STAP1: variants seen among roughly 807,000 people sequenced by gnomAD.
The protein encoded by STAP1 is signal transducing adaptor family member 1.
Under a neutral mutation model 37.8 loss-of-function variants are expected in STAP1, and 30 were observed. That is an observed-to-expected ratio of 0.79 (90% CI 0.59 to 1.08). The LOEUF is 1.08. Among genes scored for constraint, STAP1 ranks in the 50% least tolerant of loss-of-function variants. STAP1 has a pLI of 0.00. For synonymous variants in STAP1, 130 were observed against 116.0 expected (o/e 1.12, Z -0.78); for missense variants, 357 against 349.4 (o/e 1.02, Z -0.17).
intron 7 of STAP1, 53 bp downstream of exon 7, chr4:67,591,006 C>A (rs1380863321): frequency 1.6e-5 from 22 of 1,409,450 alleles, no homozygotes; most frequent in Middle Eastern, 1.8e-4. Context: ...TTCCTTATAG[C>A]CTCCTAGTGC....
Position 67,577,229 on chromosome 4 carries a change from A to G in STAP1, c.333A>G (p.Glu111=), listed in dbSNP as rs1436043721. ...LKTENTESGE[E]WRGFILTVTE... ...CAGAGAACACAGAAAGTGGGGAAGA[A>G]TGGAGAGGCTTCATTCTTACAGTAA... is the stretch of plus-strand genomic sequence containing the variant. Residue 111 remains glutamate (E), a synonymous_variant, in exon 4 of 9, where the codon GAA becomes GAG. Transcript: ENST00000265404. 4 of 1,610,348 alleles carry G rather than the reference A, an allele frequency of 2.5e-6. No individual in the cohort carries two copies. In the South Asian group the frequency reaches 4.4e-5, roughly 18 times the overall value.
intron 7 of STAP1, among the ~76,000 whole-genome samples, chr4:67,592,694 A>G (rs1339658362): frequency 6.6e-6 from 1 of 151,794 alleles, no homozygotes; most frequent in East Asian, 1.9e-4. Flanking sequence ...TGCTCCCCTC[A>G]TTTTTTAAGG....
At chr4:67,566,168 G>A (rs1166248322) in intron 1 of STAP1, among the ~76,000 whole-genome samples, 1 of 151,806 alleles carries the variant, frequency 6.6e-6, no homozygotes, top group Non-Finnish European at 1.5e-5. Context: ...GACTGGCCTC[G>A]AACTCCTGAC....
intron 6 of STAP1, among the ~76,000 whole-genome samples, chr4:67,589,891 A>G (rs1005605206): frequency 1.3e-5 from 2 of 151,966 alleles, no homozygotes; most frequent in Non-Finnish European, 2.9e-5. Context: ...TGCAGCCTCA[A>G]TCTCCTGGAT....
At chr4:67,576,365 GT>G (rs934395719) in intron 3 of STAP1, among the ~76,000 whole-genome samples, 209 of 150,592 alleles carry the variant, frequency 1.4e-3, no homozygotes, top group African/African-American at 4.7e-3. Flanking sequence ...TGAGAACAAG[GT>G]TTTTTTTTCG....
At chr4:67,585,713 G>T (rs1419254840) in intron 6 of STAP1, among the ~76,000 whole-genome samples, 1 of 152,152 alleles carries the variant, frequency 6.6e-6, no homozygotes, top group African/African-American at 2.4e-5. Flanking sequence ...CTAATTTGAT[G>T]TATAATTTAA....
intron 6 of STAP1, 45 bp from the exon 7 acceptor site, chr4:67,590,839 C>G: frequency 1.4e-6 from 2 of 1,385,590 alleles, no homozygotes; most frequent in African/African-American, 2.9e-5. Context: ...TTGCATTTAC[C>G]CAATTGTATA....
chr4:67,597,144 A>G (rs964482911), intron 8 of STAP1, among the ~76,000 whole-genome samples: 1 of 152,216 alleles, frequency 6.6e-6, no homozygotes, highest in Non-Finnish European at 1.5e-5. Flanking sequence ...GCCTCAAGAC[A>G]TGGTGCCCTC....
At chr4:67,562,924 A>C (rs1727383878) in intron 1 of STAP1, among the ~76,000 whole-genome samples, 2 of 152,140 alleles carry the variant, frequency 1.3e-5, no homozygotes, top group African/African-American at 4.8e-5. Context: ...TTCTCTCCCA[A>C]TGGATCATCT....
At chr4:67,575,547 C>T in intron 3 of STAP1, 49 bp downstream of exon 3, 1 of 1,282,264 alleles carries the variant, frequency 7.8e-7, no homozygotes, top group Non-Finnish European at 1.1e-6. Context: ...TTATAAATAA[C>T]ATTCTTCACA....
intron 1 of STAP1, 57 bp from the exon 2 acceptor site, chr4:67,571,027 T>C (rs1305731429): frequency 7.3e-7 from 1 of 1,362,288 alleles, no homozygotes; most frequent in African/African-American, 1.4e-5. Context: ...ATAATATTAT[T>C]AGAAAAATAG....
Position 67,581,323 on chromosome 4 carries a change from G to A in STAP1, c.382G>A (p.Val128Met), listed in dbSNP as rs528021678. The A allele has an allele frequency of 5.0e-6, 8 of 1,612,334 alleles. No homozygotes were observed. In the South Asian group the frequency reaches 5.5e-5, roughly 11 times the overall value. Residue 128 changes from valine (V) to methionine (M), a missense_variant, in exon 5 of 9, where the codon GTG becomes ATG. By Grantham distance (21) the Val-to-Met change is conservative. Transcript: ENST00000265404. ...TVTELSVPQN[V>M]SLLPGQVIKL... ...GTTTCAGCTGTCAGTTCCCCAAAAC[G>A]TGTCACTCCTACCTGGGCAAGTAAT...
At position 67,583,716 on chromosome 4, in the gene STAP1, T is replaced by G; in HGVS notation, c.659+14T>G. Reference sequence around the variant, plus strand: ...GCAGGAGATAGAGTATGTTTATTTTTTTTAAATGTATGGAATTTTTAAAAG... The same window carrying G: ...GCAGGAGATAGAGTATGTTTATTTTGTTTAAATGTATGGAATTTTTAAAAG... On this transcript the variant is annotated intron_variant, in intron 6 of 8. Coordinates refer to ENST00000265404, the MANE Select transcript of STAP1 (RefSeq NM_012108.4). 3 of 1,605,838 alleles carry G rather than the reference T, an allele frequency of 1.9e-6. No individual in the cohort carries two copies. Among genetic ancestry groups the G allele is most frequent in the Admixed American group, 1.7e-5 (1 of 57,864 alleles).
Position 67,595,336 on chromosome 4 carries a change from G to T in STAP1, c.826+1980G>T, listed in dbSNP as rs771288841. Among the ~76,000 whole-genome samples, 5 of 131,310 alleles carry T rather than the reference G, an allele frequency of 3.8e-5. No individual in the cohort carries two copies. The South Asian group carries it at 1.2e-3, about 32-fold the overall frequency. 86.1% of individuals were successfully genotyped at this position (131,310 alleles called of 152,430 possible). ...GGACAAGGCAGGAGGATCACTTTGA[G>T]AGCATCCTGGGCAACATAGGGAGAC... On this transcript the variant is annotated intron_variant, in intron 8 of 8. Transcript: ENST00000265404.
chr4:67,599,276 A>T (rs1179103739), intron 8 of STAP1, among the ~76,000 whole-genome samples: 5 of 152,214 alleles, frequency 3.3e-5, no homozygotes, highest in African/African-American at 1.2e-4. Flanking sequence ...TCATCTTAGT[A>T]GGATTGGTAT....
intron 8 of STAP1, among the ~76,000 whole-genome samples, chr4:67,598,354 A>C (rs747187590): frequency 2.0e-5 from 3 of 152,110 alleles, no homozygotes; most frequent in Admixed American, 6.5e-5. Context: ...AGGAGCCTTC[A>C]TCCTGTTCTC....
intron 6 of STAP1, among the ~76,000 whole-genome samples, chr4:67,587,190 G>A (rs368867633): frequency 2.0e-4 from 31 of 152,210 alleles, no homozygotes; most frequent in African/African-American, 5.5e-4. Flanking sequence ...TAGAAACCTC[G>A]GCTATTGGGA....
chr4:67,596,833 C>A (rs1357056806), intron 8 of STAP1, among the ~76,000 whole-genome samples: 1 of 152,004 alleles, frequency 6.6e-6, no homozygotes, highest in African/African-American at 2.4e-5. Context: ...TATGCATTCA[C>A]AAAGAGATGG....
intron 8 of STAP1, among the ~76,000 whole-genome samples, chr4:67,596,520 A>T (rs780595784): frequency 6.6e-6 from 1 of 152,204 alleles, no homozygotes; most frequent in African/African-American, 2.4e-5. Context: ...AGACAAAAAG[A>T]TGTGGGAAAG....
Sources: allele counts gnomAD v4.1 joint callset (sites outside exome capture counted in the v4.1 genomes callset), GRCh38; gene constraint gnomAD v4.1.1; transcripts MANE v1.5; gene names NCBI Gene and HGNC (gene_info 2026-07-23, HGNC 2026-07-21).